CTNNA3: variants seen among roughly 807,000 people sequenced by gnomAD.
CTNNA3 encodes catenin alpha 3.
Under a neutral mutation model 95.7 loss-of-function variants are expected in CTNNA3, and 76 were observed. That is an observed-to-expected ratio of 0.79 (90% CI 0.66 to 0.96). CTNNA3 has a LOEUF of 0.96. Among genes scored for constraint, CTNNA3 ranks in the 40% least tolerant of loss-of-function variants. The pLI is 0.00. For synonymous variants in CTNNA3, 431 were observed against 374.4 expected (o/e 1.15, Z -1.74); for missense variants, 1,191 against 1,089.8 (o/e 1.09, Z -1.31).
chr10:67,691,490 C>A (rs1326682063), intron 1 of CTNNA3, among the ~76,000 whole-genome samples: 1 of 151,834 alleles, frequency 6.6e-6, no homozygotes, highest in African/African-American at 2.4e-5. Context: ...AAGTGAGGAG[C>A]GTCTCTGCCC....
At chr10:66,776,058 C>G (rs1840283106) in intron 7 of CTNNA3, among the ~76,000 whole-genome samples, 1 of 152,176 alleles carries the variant, frequency 6.6e-6, no homozygotes, top group African/African-American at 2.4e-5. Flanking sequence ...TAAGTAAGAA[C>G]TGGACGCTGT....
intron 7 of CTNNA3, among the ~76,000 whole-genome samples, chr10:66,908,933 A>G (rs1846108056): frequency 6.6e-6 from 1 of 152,232 alleles, no homozygotes; most frequent in African/African-American, 2.4e-5. Flanking sequence ...GAAGTAGCAC[A>G]TGGTAGACAT....
chr10:66,737,223 C>T (rs1197770961), intron 9 of CTNNA3, among the ~76,000 whole-genome samples: 1 of 152,062 alleles, frequency 6.6e-6, no homozygotes, highest in Non-Finnish European at 1.5e-5. Flanking sequence ...CAGTATTTGA[C>T]AAGATATTTT....
At chr10:66,571,859 C>T (rs1295253747) in intron 10 of CTNNA3, among the ~76,000 whole-genome samples, 1 of 152,064 alleles carries the variant, frequency 6.6e-6, no homozygotes, top group Non-Finnish European at 1.5e-5. Flanking sequence ...GATGAAGCCG[C>T]CGAGGCACAA....
chr10:67,234,825 C>G (rs191925708), intron 5 of CTNNA3, among the ~76,000 whole-genome samples: 1 of 150,202 alleles, frequency 6.7e-6, no homozygotes, highest in South Asian at 2.1e-4. Flanking sequence ...TCTCAGGATA[C>G]AAAATCAATG....
chr10:66,489,380 T>C (rs1285528757), intron 11 of CTNNA3, among the ~76,000 whole-genome samples: 2 of 152,218 alleles, frequency 1.3e-5, no homozygotes, highest in Non-Finnish European at 2.9e-5. Flanking sequence ...TCAAGTATTC[T>C]GTGTGTTTTT....
chr10:67,510,885 T>A (rs1397561658), intron 5 of CTNNA3, among the ~76,000 whole-genome samples: 1 of 152,216 alleles, frequency 6.6e-6, no homozygotes, highest in African/African-American at 2.4e-5. Flanking sequence ...TGGTTTGTAG[T>A]TCTCCTTGAA....
chr10:67,256,571 T>A (rs147375682), intron 5 of CTNNA3, among the ~76,000 whole-genome samples: 1 of 152,298 alleles, frequency 6.6e-6, no homozygotes, highest in East Asian at 1.9e-4. Context: ...GACTGCTTTT[T>A]CCCTAAAGTC....
chr10:67,609,048 C>T (rs1227761983), intron 2 of CTNNA3, among the ~76,000 whole-genome samples: 3 of 139,046 alleles, frequency 2.2e-5, no homozygotes, highest in Admixed American at 7.5e-5. Flanking sequence ...CGAAATCACG[C>T]CATTGCACTC....
At chr10:67,555,963 AG>A (rs1416808917) in intron 3 of CTNNA3, among the ~76,000 whole-genome samples, 1 of 152,292 alleles carries the variant, frequency 6.6e-6, no homozygotes, top group Non-Finnish European at 1.5e-5. Context: ...TTTAGCATGA[AG>A]GGTTGTTGAA....
intron 9 of CTNNA3, among the ~76,000 whole-genome samples, chr10:66,710,699 T>C (rs988355879): frequency 6.6e-6 from 1 of 151,904 alleles, no homozygotes; most frequent in African/African-American, 2.4e-5. Flanking sequence ...CCTAAAGTTA[T>C]CTCTGTGATA....
intron 7 of CTNNA3, among the ~76,000 whole-genome samples, chr10:67,177,961 T>C (rs942376132): frequency 6.6e-6 from 1 of 152,208 alleles, no homozygotes; most frequent in Non-Finnish European, 1.5e-5. Context: ...ATCCCAATTT[T>C]AGACAGGGGT....
intron 17 of CTNNA3, among the ~76,000 whole-genome samples, chr10:65,939,130 C>T (rs966507926): frequency 4.6e-5 from 7 of 152,096 alleles, no homozygotes; most frequent in African/African-American, 1.2e-4. Context: ...TGGTCTCCAT[C>T]TCCTGACCTC....
intron 5 of CTNNA3, among the ~76,000 whole-genome samples, chr10:67,238,560 T>C (rs2132325185): frequency 6.6e-6 from 1 of 152,218 alleles, no homozygotes; most frequent in East Asian, 1.9e-4. Context: ...AGATAACAAA[T>C]GATTTTTCTT....
At chr10:67,164,220 T>C (rs1441020226) in intron 7 of CTNNA3, among the ~76,000 whole-genome samples, 4 of 152,100 alleles carry the variant, frequency 2.6e-5, no homozygotes, top group Admixed American at 2.0e-4. Context: ...ACTTATTATA[T>C]AGCTACAGTA....
intron 12 of CTNNA3, among the ~76,000 whole-genome samples, chr10:66,336,118 G>A (rs1168209575): frequency 6.6e-6 from 1 of 152,030 alleles, no homozygotes; most frequent in Non-Finnish European, 1.5e-5. Flanking sequence ...GATTTTCCAG[G>A]TGCCGTCTGT....
At chr10:65,955,499 A>G (rs1410819346) in intron 17 of CTNNA3, among the ~76,000 whole-genome samples, 1 of 152,218 alleles carries the variant, frequency 6.6e-6, no homozygotes, top group Admixed American at 6.5e-5. Flanking sequence ...GTTGTTGCCC[A>G]TTCAGTATGA....
intron 11 of CTNNA3, among the ~76,000 whole-genome samples, chr10:66,397,423 T>A (rs1365270366): frequency 3.3e-5 from 5 of 151,834 alleles, no homozygotes; most frequent in Admixed American, 1.3e-4. Flanking sequence ...AGTATTGTTT[T>A]CCTCTCTCTC....
intron 10 of CTNNA3, among the ~76,000 whole-genome samples, chr10:66,588,401 A>G (rs138868024): frequency 1.1e-4 from 17 of 151,730 alleles, no homozygotes; most frequent in African/African-American, 3.9e-4. Context: ...ATCTCTGCAC[A>G]CTATTTTGTC....
Sources: gnomAD v4.1 joint callset for allele counts (sites outside exome capture counted in the v4.1 genomes callset) on GRCh38, gnomAD v4.1.1 for gene constraint, MANE v1.5 for transcripts, NCBI Gene and HGNC (gene_info 2026-07-23, HGNC 2026-07-21) for gene names.